The following ASCC3 variants were observed in gnomAD, a reference collection of about 807,000 sequenced individuals.
ASCC3 encodes activating signal cointegrator 1 complex subunit 3.
Under a neutral mutation model 256.3 loss-of-function variants are expected in ASCC3, and 158 were observed. The observed-to-expected ratio is 0.62, with a 90% CI of 0.54 to 0.70. The LOEUF (loss-of-function observed/expected upper bound fraction) is 0.70. Among genes scored for constraint, ASCC3 ranks in the 30% least tolerant of loss-of-function variants. The pLI is 0.00. For missense variants in ASCC3, 2,259 were observed against 2,626.0 expected, an observed-to-expected ratio of 0.86 and a Z score of 3.05; for synonymous variants, 948 against 883.4, an observed-to-expected ratio of 1.07 and a Z score of -1.30.
chr6:100,649,846 T>C (rs564316351), intron 20 of ASCC3, among the ~76,000 whole-genome samples: 2 of 151,788 alleles, frequency 1.3e-5, no homozygotes, highest in East Asian at 3.9e-4. Flanking sequence ...AGAAGGGAAA[T>C]CTTTCATTTG....
intron 8 of ASCC3, among the ~76,000 whole-genome samples, chr6:100,785,337 A>G (rs1391697919): frequency 3.9e-5 from 6 of 152,166 alleles, no homozygotes; most frequent in Non-Finnish European, 1.5e-5. Context: ...AGACATTGCA[A>G]TTTATTATTC....
chr6:100,732,033 C>T (rs886313275), intron 10 of ASCC3, among the ~76,000 whole-genome samples: 2 of 151,790 alleles, frequency 1.3e-5, no homozygotes, highest in South Asian at 2.1e-4. Flanking sequence ...TGGTGGTAGG[C>T]GCCTGTAATC....
chr6:100,796,830 T>C (rs1769640873), intron 8 of ASCC3, among the ~76,000 whole-genome samples: 1 of 152,256 alleles, frequency 6.6e-6, no homozygotes, highest in East Asian at 1.9e-4. Context: ...ATCAATAAAA[T>C]AAATGTCCTT....
intron 37 of ASCC3, among the ~76,000 whole-genome samples, chr6:100,527,900 A>C (rs1418794472): frequency 6.6e-6 from 1 of 151,236 alleles, no homozygotes; most frequent in East Asian, 1.9e-4. Context: ...GTGCTGCAGC[A>C]TGAATCATGG....
At chr6:100,636,770 G>C (rs1774866897) in intron 25 of ASCC3, among the ~76,000 whole-genome samples, 1 of 152,162 alleles carries the variant, frequency 6.6e-6, no homozygotes, top group African/African-American at 2.4e-5. Context: ...AGTCCGAGTG[G>C]TGTAGACAGA....
intron 1 of ASCC3, among the ~76,000 whole-genome samples, chr6:100,871,679 T>C (rs895474019): frequency 3.9e-5 from 6 of 152,086 alleles, no homozygotes; most frequent in Admixed American, 1.3e-4. Context: ...GGTGGGAGAA[T>C]TGCTTGAGCC....
chr6:100,619,694 T>C (rs938841144), intron 30 of ASCC3, among the ~76,000 whole-genome samples: 3 of 152,174 alleles, frequency 2.0e-5, no homozygotes, highest in Non-Finnish European at 4.4e-5. Flanking sequence ...CTAATCATTT[T>C]CTCTTGCTGT....
chr6:100,763,998 A>T (rs891298680), intron 10 of ASCC3, among the ~76,000 whole-genome samples: 2 of 152,142 alleles, frequency 1.3e-5, no homozygotes, highest in East Asian at 1.9e-4. Context: ...TGTAAAATGG[A>T]GGTACTACCC....
At chr6:100,649,926 T>C (rs1351949338) in intron 20 of ASCC3, among the ~76,000 whole-genome samples, 2 of 151,596 alleles carry the variant, frequency 1.3e-5, no homozygotes, top group African/African-American at 4.8e-5. Flanking sequence ...ACACAAATAT[T>C]TGAACAGTTT....
chr6:100,774,041 G>A (rs1410063892), intron 8 of ASCC3, among the ~76,000 whole-genome samples: 1 of 152,022 alleles, frequency 6.6e-6, no homozygotes, highest in Non-Finnish European at 1.5e-5. Flanking sequence ...CATTCTAATC[G>A]ATTCAACATT....
intron 4 of ASCC3, among the ~76,000 whole-genome samples, chr6:100,838,224 T>C (rs1309838231): frequency 6.6e-6 from 1 of 152,004 alleles, no homozygotes; most frequent in Non-Finnish European, 1.5e-5. Flanking sequence ...CATGTGAAAT[T>C]TTAAAATATG....
At chr6:100,769,334 T>C (rs1781809511) in intron 8 of ASCC3, among the ~76,000 whole-genome samples, 4 of 151,908 alleles carry the variant, frequency 2.6e-5, no homozygotes, top group African/African-American at 2.4e-5. Context: ...AATAATAATA[T>C]ATATTTCAAG....
intron 37 of ASCC3, among the ~76,000 whole-genome samples, chr6:100,519,558 G>A (rs1340402186): frequency 6.6e-6 from 1 of 152,032 alleles, no homozygotes; most frequent in Non-Finnish European, 1.5e-5. Flanking sequence ...TAGTTCACAA[G>A]TCACAACTCT....
At chr6:100,754,348 T>C (rs1781077996) in intron 10 of ASCC3, among the ~76,000 whole-genome samples, 1 of 152,166 alleles carries the variant, frequency 6.6e-6, no homozygotes, top group African/African-American at 2.4e-5. Context: ...AATTTTTAAT[T>C]TTGGTGGGTA....
intron 37 of ASCC3, among the ~76,000 whole-genome samples, chr6:100,539,039 T>G (rs1456482345): frequency 2.6e-5 from 4 of 152,110 alleles, no homozygotes; most frequent in African/African-American, 7.2e-5. Context: ...CTTGAAATAA[T>G]CTTTGGTTCC....
At chr6:100,608,924 C>T (rs1484977926) in intron 30 of ASCC3, among the ~76,000 whole-genome samples, 2 of 146,880 alleles carry the variant, frequency 1.4e-5, no homozygotes, top group Admixed American at 7.0e-5. Context: ...CCAACATGCC[C>T]GTCTAATTTT....
chr6:100,819,168 G>A (rs1242580174), intron 4 of ASCC3, among the ~76,000 whole-genome samples: 1 of 151,396 alleles, frequency 6.6e-6, no homozygotes, highest in Non-Finnish European at 1.5e-5. Context: ...CCTGTCGGGG[G>A]CTGGGGGGCT....
Position 100,848,637 on chromosome 6 carries a change from C to T in ASCC3, c.312G>A (p.Lys104=), listed in dbSNP as rs780583955. ...TTGTTTCCTTGTGACCAACAGAGTC[C>T]TTCAAGTGAAATGTCATGAAGAGAA... ...AAFLFMTFHL[K]DSVGHKETKA... is the part of the protein sequence containing the mutation. The change falls in exon 4 of 42, where the codon AAG becomes AAA. Residue 104 remains lysine, a synonymous_variant. Transcript: ENST00000369162. 2 of 1,614,074 alleles carry T rather than the reference C, an allele frequency of 1.2e-6. No homozygotes were observed. Among genetic ancestry groups the T allele is most frequent in the Non-Finnish European group, 1.7e-6 (2 of 1,180,022 alleles).
intron 36 of ASCC3, among the ~76,000 whole-genome samples, chr6:100,552,577 G>A (rs899991710): frequency 2.0e-5 from 3 of 151,906 alleles, no homozygotes; most frequent in African/African-American, 7.2e-5. Flanking sequence ...TCTCCAATTA[G>A]GTTTCTTTTA....
Sources: gnomAD v4.1 joint callset for allele counts (sites outside exome capture counted in the v4.1 genomes callset) on GRCh38, gnomAD v4.1.1 for gene constraint, MANE v1.5 for transcripts, NCBI Gene and HGNC (gene_info 2026-07-23, HGNC 2026-07-21) for gene names.